The following DSCAML1 variants were observed in gnomAD, a reference collection of about 807,000 sequenced individuals.
The protein encoded by DSCAML1 is DS cell adhesion molecule like 1, also known as cell adhesion molecule DSCAML1.
Under a neutral mutation model 200.5 loss-of-function variants are expected in DSCAML1, and 38 were observed. That is an observed-to-expected ratio of 0.19 (90% CI 0.15 to 0.25). DSCAML1 has a LOEUF of 0.25. Ranked by LOEUF, DSCAML1 falls within the 10% of genes least tolerant of loss-of-function variation. DSCAML1 has a pLI of 1.00. For synonymous variants in DSCAML1, 1,215 were observed against 1,165.0 expected (o/e 1.04, Z -0.87); for missense variants, 2,223 against 2,858.8 (o/e 0.78, Z 5.07).
intron 3 of DSCAML1, among the ~76,000 whole-genome samples, chr11:117,561,959 C>T (rs1481264176): frequency 6.6e-6 from 1 of 152,200 alleles, no homozygotes; most frequent in Non-Finnish European, 1.5e-5. Context: ...TTGCATACAG[C>T]AATTCTATGA....
rs142156730 is a variant in DSCAML1 at position 117,521,396 on chromosome 11, T to C, written c.947A>G (p.His316Arg). The change falls in exon 6 of 33, where the codon CAT becomes CGT. Residue 316 changes from histidine to arginine, a missense_variant. Transcript: ENST00000651296. ...TGILMVIDPL[H>R]VTLTPKKLKT... ...CAGCTTCTTTGGTGTCAGGGTCACA[T>C]GAAGGGGATCTGGGCCGGGCCAGGG... 2.5e-6 allele frequency: 4 copies of C among 1,612,462 alleles called. No individual in the cohort carries two copies. The highest frequency in any genetic ancestry group is 2.5e-6 in the Non-Finnish European group (3 of 1,179,004).
At chr11:117,682,061 C>A (rs150709716) in intron 3 of DSCAML1, among the ~76,000 whole-genome samples, 53 of 152,274 alleles carry the variant, frequency 3.5e-4, no homozygotes, top group African/African-American at 1.2e-3. Context: ...TAAGACCCTA[C>A]CCCCTTTAGG....
At chr11:117,738,514 G>A (rs2054364364) in intron 3 of DSCAML1, among the ~76,000 whole-genome samples, 1 of 152,108 alleles carries the variant, frequency 6.6e-6, no homozygotes, top group Non-Finnish European at 1.5e-5. Flanking sequence ...CACAGGTAAT[G>A]CACATTTGTT....
intron 3 of DSCAML1, among the ~76,000 whole-genome samples, chr11:117,722,921 T>C (rs573053038): frequency 7.2e-5 from 11 of 152,222 alleles, no homozygotes; most frequent in Non-Finnish European, 1.5e-4. Flanking sequence ...CTCCAGTCTA[T>C]TGAAATAGCT....
In DSCAML1 at chr11:117,815,607, A is replaced by T. The variant is rs191471717; in HGVS notation, c.-250+1783T>A. The stretch of plus-strand genomic sequence containing the variant: ...AAGGGAACCAAGTTTAGACATCTAG[A>T]GACAGTAGCAGCCGCGGTGACTGGC... On this transcript the variant is annotated intron_variant, in intron 1 of 2. Transcript: ENST00000525836. Among the ~76,000 whole-genome samples the T allele has an allele frequency of 5.7e-3, 870 of 152,170 alleles. 8 individuals carry two copies. Among genetic ancestry groups the T allele is most frequent in the African/African-American group, 0.019 (809 of 41,552 alleles).
chr11:117,478,556 T>A (rs955470802), intron 14 of DSCAML1, among the ~76,000 whole-genome samples: 7 of 152,246 alleles, frequency 4.6e-5, no homozygotes, highest in Non-Finnish European at 7.3e-5. Flanking sequence ...GCACCATGTT[T>A]GCTCAAGTCT....
At chr11:117,457,474 C>T (rs150536536) in intron 19 of DSCAML1, among the ~76,000 whole-genome samples, 1 of 152,222 alleles carries the variant, frequency 6.6e-6, no homozygotes. Context: ...CCTGAGGCCT[C>T]AGATGGGACC....
At position 117,437,743 on chromosome 11, in the gene DSCAML1, G is replaced by C; in HGVS notation, c.4432+152C>G. 1 of 911,554 alleles carries C rather than the reference G, an allele frequency of 1.1e-6. No individual in the cohort carries two copies. The highest frequency in any genetic ancestry group is 1.8e-5 in the South Asian group (1 of 55,918). The allele number at this position is 911,554 out of a possible 1,614,324, so 56.5% of individuals were successfully genotyped here. On this transcript the variant is annotated intron_variant, in intron 25 of 32. Coordinates refer to ENST00000651296, the MANE Select transcript of DSCAML1 (RefSeq NM_020693.4). The surrounding 1 kb of genome is among the most constrained non-coding windows in gnomAD (Gnocchi z 5.3). Reference sequence around the variant, plus strand: ...GGATCCATCGGGACACTGTGGTGACGGGAAGGAGGCTGAGGCTCCTCCCTT... The same window carrying C: ...GGATCCATCGGGACACTGTGGTGACCGGAAGGAGGCTGAGGCTCCTCCCTT...
chr11:117,665,105 T>A (rs1453776163), intron 3 of DSCAML1, among the ~76,000 whole-genome samples: 1 of 152,184 alleles, frequency 6.6e-6, no homozygotes, highest in African/African-American at 2.4e-5. Flanking sequence ...CCTGCCCTTA[T>A]GACCCTCCCT....
At chr11:117,661,637 TCTC>T (rs575092366) in intron 3 of DSCAML1, among the ~76,000 whole-genome samples, 30 of 152,274 alleles carry the variant, frequency 2.0e-4, no homozygotes, top group Non-Finnish European at 3.2e-4. Flanking sequence ...TCCTCCTAGG[TCTC>T]CTCTCCTGCA....
chr11:117,805,684 C>T (rs899160940), intron 1 of DSCAML1, among the ~76,000 whole-genome samples: 1 of 152,172 alleles, frequency 6.6e-6, no homozygotes, highest in Admixed American at 6.5e-5. Context: ...CTGGTCCACA[C>T]CTGGCCTAAA....
At chr11:117,618,285 C>T (rs1056144863) in intron 3 of DSCAML1, among the ~76,000 whole-genome samples, 2 of 152,180 alleles carry the variant, frequency 1.3e-5, no homozygotes, top group Non-Finnish European at 2.9e-5. Context: ...ATGGGGAGCT[C>T]GCTACCATCT....
At chr11:117,557,859 T>C (rs1317730865) in intron 3 of DSCAML1, among the ~76,000 whole-genome samples, 1 of 151,952 alleles carries the variant, frequency 6.6e-6, no homozygotes, top group Non-Finnish European at 1.5e-5. Flanking sequence ...TTTTCGCCCC[T>C]TAGGAGACAT....
intron 3 of DSCAML1, among the ~76,000 whole-genome samples, chr11:117,758,225 G>T (rs1404581022): frequency 2.0e-5 from 3 of 151,428 alleles, no homozygotes; most frequent in Admixed American, 6.6e-5. Flanking sequence ...GCTTGAACGT[G>T]GGAGGCGGAG....
intron 3 of DSCAML1, among the ~76,000 whole-genome samples, chr11:117,590,283 G>A (rs547883300): frequency 6.6e-6 from 1 of 151,946 alleles, no homozygotes; most frequent in Admixed American, 6.6e-5. Flanking sequence ...TGACTTCCTG[G>A]GCTCAAACAA....
chr11:117,461,316 G>A (rs1053001990), intron 18 of DSCAML1, 134 bp downstream of exon 18: 123 of 1,293,048 alleles, frequency 9.5e-5, no homozygotes, highest in Admixed American at 1.0e-4. Flanking sequence ...TGGTCTCCCC[G>A]TGTGGAGAAG....
At chr11:117,631,516 G>A (rs566990282) in intron 3 of DSCAML1, among the ~76,000 whole-genome samples, 17 of 152,338 alleles carry the variant, frequency 1.1e-4, no homozygotes, top group African/African-American at 3.4e-4. Flanking sequence ...CTAGCTCTCC[G>A]GGGAGATCAG....
At chr11:117,493,524 C>T (rs1404114110) in intron 11 of DSCAML1, among the ~76,000 whole-genome samples, 2 of 151,854 alleles carry the variant, frequency 1.3e-5, no homozygotes, top group African/African-American at 2.4e-5. Context: ...CCATGTTGGC[C>T]AGGGTGGTCT....
intron 19 of DSCAML1, among the ~76,000 whole-genome samples, chr11:117,457,285 G>A (rs534935499): frequency 1.3e-5 from 2 of 152,246 alleles, no homozygotes; most frequent in Admixed American, 6.5e-5. Context: ...AGGGCTGAAG[G>A]CTCCTTGCAG....
Sources: gnomAD v4.1 joint callset for allele counts (sites outside exome capture counted in the v4.1 genomes callset) on GRCh38, gnomAD v4.1.1 for gene constraint, Gnocchi (gnomAD v3.1) non-coding constraint, MANE v1.5 for transcripts, NCBI Gene and HGNC (gene_info 2026-07-23, HGNC 2026-07-21) for gene names.